CLCN5: variants seen among roughly 807,000 people sequenced by gnomAD.
CLCN5 encodes the protein H(+)/Cl(-) exchange transporter 5.
In CLCN5, 17 loss-of-function variants were observed where a neutral mutation model predicts 54.0. The ratio of observed to expected loss-of-function variants is 0.31; its 90% CI spans 0.22 to 0.47. The LOEUF is 0.47. Among genes scored for constraint, CLCN5 ranks in the 20% least tolerant of loss-of-function variants. The pLI is 1.00. For synonymous variants in CLCN5, 222 were observed against 233.0 expected, an observed-to-expected ratio of 0.95 and a Z score of 0.43; for missense variants, 448 against 646.7, an observed-to-expected ratio of 0.69 and a Z score of 3.33.
At chrX:50,039,360 A>G (rs1448574876) in intron 3 of CLCN5, among the ~76,000 whole-genome samples, 7 of 111,989 alleles carry the variant, frequency 6.3e-5, no homozygotes, top group Admixed American at 5.7e-4. Flanking sequence ...AGTATACTTT[A>G]TATAGATCCT....
At chrX:49,977,405 G>A (rs561804191) in intron 3 of CLCN5, among the ~76,000 whole-genome samples, 1 of 111,625 alleles carries the variant, frequency 9.0e-6, no homozygotes, top group South Asian at 3.8e-4. Context: ...AATCGATGGT[G>A]TATATGCAAT....
intron 3 of CLCN5, among the ~76,000 whole-genome samples, chrX:49,925,952 C>T (rs1249044033): frequency 1.8e-5 from 2 of 111,696 alleles, no homozygotes; most frequent in Non-Finnish European, 3.8e-5. Context: ...GGTTTGTGCC[C>T]TTTGGAGGGT....
At position 50,097,390 on chromosome X, in the gene CLCN5, G is replaced by A. The variant is rs782152536; in HGVS notation, c.*5171G>A. ...TGTGGAGTTTGCATTTCTTGGATGG[G>A]ACCTATCGGGTCACCCAGCCCAGTC... On this transcript the variant is annotated 3_prime_UTR_variant, in exon 15 of 15. Transcript: ENST00000376091. 2.2e-3 allele frequency: 242 copies of A among 111,627 alleles called. No homozygotes were observed. Among genetic ancestry groups the A allele is most frequent in the Non-Finnish European group, 3.4e-3 (180 of 53,096 alleles). 9.2% of individuals were successfully genotyped at this position (111,627 alleles called of 1,213,427 possible).
At chrX:49,927,195 A>AT (rs1456301382) in intron 3 of CLCN5, among the ~76,000 whole-genome samples, 1 of 111,637 alleles carries the variant, frequency 9.0e-6, no homozygotes, top group African/African-American at 3.3e-5. Flanking sequence ...AAGAGCTTGT[A>AT]TTTTTTTCTC....
At chrX:49,958,813 A>C (rs943746422) in intron 3 of CLCN5, among the ~76,000 whole-genome samples, 10 of 111,911 alleles carry the variant, frequency 8.9e-5, no homozygotes, top group African/African-American at 2.9e-4. Context: ...TACTGTTTCC[A>C]GTTTGAAAAA....
At chrX:50,078,349 A>C (rs188150354) in intron 7 of CLCN5, among the ~76,000 whole-genome samples, 62 of 110,806 alleles carry the variant, frequency 5.6e-4, no homozygotes, top group African/African-American at 1.7e-3. Flanking sequence ...CACACACACA[A>C]AAGTAATTAC....
intron 4 of CLCN5, chrX:50,069,661 C>A (rs1025105537): frequency 1.0e-6 from 1 of 977,081 alleles, no homozygotes; most frequent in Non-Finnish European, 1.3e-6. Context: ...TCATCTGTTG[C>A]TTTCCATTCA....
intron 3 of CLCN5, among the ~76,000 whole-genome samples, chrX:49,983,324 T>C (rs1557177912): frequency 8.9e-6 from 1 of 111,871 alleles, no homozygotes. Context: ...CCCACAGTTA[T>C]TTGGTTTTCT....
At chrX:50,007,397 TTC>T (rs781888075) in intron 3 of CLCN5, among the ~76,000 whole-genome samples, 9,210 of 63,769 alleles carry the variant, frequency 0.14, 323 homozygotes, top group Non-Finnish European at 0.16. Context: ...CTCTCTCTCT[TTC>T]TCTCTCTCTC....
chrX:49,964,908 A>G (rs1927770874), intron 3 of CLCN5, among the ~76,000 whole-genome samples: 1 of 111,211 alleles, frequency 9.0e-6, no homozygotes, highest in South Asian at 3.8e-4. Context: ...CACATAGGAT[A>G]CCTTTATTCT....
intron 3 of CLCN5, among the ~76,000 whole-genome samples, chrX:49,985,956 T>A (rs1557178228): frequency 1.8e-5 from 2 of 111,924 alleles, no homozygotes; most frequent in African/African-American, 6.5e-5. Context: ...ACTTTTCTTT[T>A]TAAATTCATA....
chrX:50,081,898 T>C, intron 9 of CLCN5, 51 bp downstream of exon 9: 1 of 1,073,008 alleles, frequency 9.3e-7, no homozygotes, highest in Non-Finnish European at 1.3e-6. Context: ...GCATAAATGA[T>C]ACAATCTTAG....
chrX:49,974,110 A>C (rs1429616031), intron 3 of CLCN5, among the ~76,000 whole-genome samples: 1 of 112,093 alleles, frequency 8.9e-6, no homozygotes, highest in South Asian at 3.7e-4. Flanking sequence ...ATAATATTCC[A>C]TTGTATGGAT....
At chrX:50,001,316 ATAATT>A (rs1447886365) in intron 3 of CLCN5, among the ~76,000 whole-genome samples, 1 of 111,133 alleles carries the variant, frequency 9.0e-6, no homozygotes, top group African/African-American at 3.3e-5. Context: ...CTGTCTAAAA[ATAATT>A]TTAAAAATTA....
intron 3 of CLCN5, among the ~76,000 whole-genome samples, chrX:50,041,547 C>T (rs1056333983): frequency 4.5e-5 from 5 of 110,480 alleles, no homozygotes; most frequent in Admixed American, 9.7e-5. Flanking sequence ...TGTATTAAGA[C>T]GTCTGGGAGA....
At chrX:49,995,906 A>G (rs782458411) in intron 3 of CLCN5, among the ~76,000 whole-genome samples, 156 of 111,890 alleles carry the variant, frequency 1.4e-3, no homozygotes, top group Middle Eastern at 4.6e-3. Flanking sequence ...CTTGCCCAGG[A>G]TGAAGAGTAG....
intron 9 of CLCN5, among the ~76,000 whole-genome samples, chrX:50,084,794 A>C (rs1383399175): frequency 6.2e-5 from 7 of 112,111 alleles, no homozygotes; most frequent in Non-Finnish European, 1.1e-4. Context: ...GCCTTGTCAA[A>C]GTGGGCAGAT....
rs1460435470 is a variant in CLCN5, at chrX:50,098,788, T to C, written c.*6569T>C. The C allele has an allele frequency of 1.8e-5, 2 of 112,962 alleles. No homozygotes were observed. Among genetic ancestry groups the C allele is most frequent in the African/African-American group, 6.5e-5 (2 of 30,982 alleles). 9.3% of individuals were successfully genotyped at this position (112,962 alleles called of 1,213,427 possible). A position where few individuals can be genotyped will look rare whatever the true frequency, so the allele number is the denominator to read the frequency against. On this transcript the variant is annotated 3_prime_UTR_variant, in exon 15 of 15. Coordinates refer to ENST00000376091, the MANE Select transcript of CLCN5 (RefSeq NM_001127898.4). ...TCCTAGGCATAGCCTGAACCAGAGC[T>C]ATGGCTCACTGCTCGCTTTATTCTA...
chrX:50,048,024 T>C (rs1932452911), intron 4 of CLCN5, among the ~76,000 whole-genome samples: 2 of 111,954 alleles, frequency 1.8e-5, no homozygotes, highest in Middle Eastern at 9.3e-3. Context: ...AGAACAGCGG[T>C]CCACAACATT....
Sources: allele counts gnomAD v4.1 joint callset (sites outside exome capture counted in the v4.1 genomes callset), GRCh38; gene constraint gnomAD v4.1.1; transcripts MANE v1.5; gene names NCBI Gene and HGNC (gene_info 2026-07-23, HGNC 2026-07-21).